C10orf90: variants seen among roughly 807,000 people sequenced by gnomAD.
The protein encoded by C10orf90 is chromosome 10 open reading frame 90.
In C10orf90, 56 loss-of-function variants were observed where a neutral mutation model predicts 62.5. The ratio of observed to expected loss-of-function variants is 0.90; its 90% CI spans 0.72 to 1.12. The LOEUF is 1.12. C10orf90 is among the 50% of genes most tolerant of loss of function. The pLI is 0.00. For synonymous variants in C10orf90, 386 were observed against 340.4 expected (o/e 1.13, Z -1.47); for missense variants, 970 against 880.4 (o/e 1.10, Z -1.29).
intron 2 of C10orf90, among the ~76,000 whole-genome samples, chr10:126,540,075 A>G (rs1864337879): frequency 6.6e-6 from 1 of 152,240 alleles, no homozygotes; most frequent in South Asian, 2.1e-4. Context: ...AAAGAGCAGT[A>G]ACAATCAATT....
intron 4 of C10orf90, among the ~76,000 whole-genome samples, chr10:126,497,932 C>T (rs942541093): frequency 2.0e-5 from 3 of 152,202 alleles, no homozygotes; most frequent in Non-Finnish European, 4.4e-5. Flanking sequence ...AGTTCTTGTC[C>T]ATTCATCAGC....
intron 2 of C10orf90, among the ~76,000 whole-genome samples, chr10:126,526,522 G>A (rs1294317984): frequency 1.3e-5 from 2 of 152,146 alleles, no homozygotes; most frequent in Non-Finnish European, 2.9e-5. Flanking sequence ...GGGATTACAG[G>A]TGTGAGCCAC....
At chr10:126,630,699 G>A (rs1430411548) in intron 2 of C10orf90, among the ~76,000 whole-genome samples, 2 of 152,138 alleles carry the variant, frequency 1.3e-5, no homozygotes, top group African/African-American at 4.8e-5. Flanking sequence ...GTTTAGAGAG[G>A]TTATTTAACC....
intron 7 of C10orf90, among the ~76,000 whole-genome samples, chr10:126,442,285 G>T (rs752877288): frequency 1.3e-5 from 2 of 150,834 alleles, no homozygotes; most frequent in Non-Finnish European, 3.0e-5. Context: ...AAACTTTAAA[G>T]CAACAGCAGT....
chr10:126,462,611 GGAC>G (rs1316573721), intron 5 of C10orf90, among the ~76,000 whole-genome samples: 1 of 152,174 alleles, frequency 6.6e-6, no homozygotes, highest in African/African-American at 2.4e-5. Flanking sequence ...GTCGAGGGCT[GGAC>G]CATATCATAC....
intron 2 of C10orf90, among the ~76,000 whole-genome samples, chr10:126,577,524 A>G (rs1844651977): frequency 6.6e-6 from 1 of 152,048 alleles, no homozygotes; most frequent in Admixed American, 6.5e-5. Context: ...AAGTAGACAA[A>G]ACACAAATAA....
chr10:126,520,534 G>A (rs561660195), intron 2 of C10orf90: 7 of 152,238 alleles, frequency 4.6e-5, no homozygotes, highest in South Asian at 4.2e-4. Context: ...CCCGTGACAC[G>A]GCTCAAGATC....
At chr10:126,562,347 T>G (rs958283627) in intron 2 of C10orf90, among the ~76,000 whole-genome samples, 3 of 151,670 alleles carry the variant, frequency 2.0e-5, no homozygotes, top group Non-Finnish European at 4.4e-5. Flanking sequence ...CTCCCTAGAG[T>G]GGACATCCAC....
chr10:126,559,662 C>A (rs1864858400), intron 2 of C10orf90, among the ~76,000 whole-genome samples: 1 of 152,134 alleles, frequency 6.6e-6, no homozygotes, highest in Non-Finnish European at 1.5e-5. Flanking sequence ...AGATGGGTAC[C>A]AGAGAAGCTG....
At chr10:126,532,793 C>G (rs1457101106) in intron 2 of C10orf90, among the ~76,000 whole-genome samples, 1 of 103,848 alleles carries the variant, frequency 9.6e-6, no homozygotes, top group Non-Finnish European at 1.8e-5. Flanking sequence ...GCCGAGATCG[C>G]GCCACTGCAC....
At chr10:126,536,824 A>C (rs866965476) in intron 2 of C10orf90, among the ~76,000 whole-genome samples, 3 of 152,172 alleles carry the variant, frequency 2.0e-5, no homozygotes, top group South Asian at 2.1e-4. Flanking sequence ...GGGCTGCTTG[A>C]TCACGTGGAC....
intron 2 of C10orf90, among the ~76,000 whole-genome samples, chr10:126,643,266 G>C (rs1846101316): frequency 1.3e-5 from 2 of 152,200 alleles, no homozygotes; most frequent in African/African-American, 4.8e-5. Flanking sequence ...AAAACAGAGT[G>C]AGTCCCCTGT....
At position 126,670,213 on chromosome 10, in the gene C10orf90, C is replaced by T. The variant is rs1028806662; in HGVS notation, c.240+28G>A. The stretch of plus-strand genomic sequence containing the variant: ...ATCTCTCTCTGAGTCAAGCGTGTAC[C>T]CACTCACCCACCCAGGCTCAGCCAT... On this transcript the variant is annotated intron_variant, in intron 1 of 9. Transcript: ENST00000488181. The T allele has an allele frequency of 2.4e-5, 11 of 455,594 alleles. No homozygotes were observed. In the Admixed American group the frequency reaches 2.6e-4, roughly 11 times the overall value. The allele number at this position is 455,594 out of a possible 1,614,324, so 28.2% of individuals were successfully genotyped here. A position where few individuals can be genotyped will look rare whatever the true frequency, so the allele number is the denominator to read the frequency against.
intron 2 of C10orf90, among the ~76,000 whole-genome samples, chr10:126,627,567 A>G (rs1254243696): frequency 6.6e-6 from 1 of 152,148 alleles, no homozygotes; most frequent in African/African-American, 2.4e-5. Context: ...GAAAAAAAAA[A>G]GAAAGAGGTG....
chr10:126,565,273 TA>T (rs1488273543), intron 2 of C10orf90, among the ~76,000 whole-genome samples: 2 of 48,200 alleles, frequency 4.1e-5, no homozygotes, highest in East Asian at 1.2e-3. Context: ...TTATATTATA[TA>T]TTATATTATA....
intron 4 of C10orf90, among the ~76,000 whole-genome samples, chr10:126,470,823 C>T (rs79102691): frequency 0.032 from 4,869 of 151,552 alleles, 296 homozygotes; most frequent in African/African-American, 0.11. Flanking sequence ...GAAAACAGAA[C>T]AGAACAAGCC....
chr10:126,459,898 A>G (rs1233699465), intron 6 of C10orf90, among the ~76,000 whole-genome samples: 1 of 152,240 alleles, frequency 6.6e-6, no homozygotes, highest in Non-Finnish European at 1.5e-5. Flanking sequence ...TCCATCCCAG[A>G]TGCCGGGCTA....
At chr10:126,613,800 A>G (rs191583075) in intron 2 of C10orf90, among the ~76,000 whole-genome samples, 4 of 152,268 alleles carry the variant, frequency 2.6e-5, no homozygotes, top group Admixed American at 2.6e-4. Flanking sequence ...TTCCCTCTGG[A>G]TTTGAGCCTC....
At chr10:126,612,147 C>G (rs1307442452) in intron 2 of C10orf90, among the ~76,000 whole-genome samples, 1 of 152,050 alleles carries the variant, frequency 6.6e-6, no homozygotes, top group African/African-American at 2.4e-5. Flanking sequence ...ATGGTGAAAC[C>G]CTGTCTCTAA....
Sources: allele counts gnomAD v4.1 joint callset (sites outside exome capture counted in the v4.1 genomes callset), GRCh38; gene constraint gnomAD v4.1.1; transcripts MANE v1.5; gene names NCBI Gene and HGNC (gene_info 2026-07-23, HGNC 2026-07-21).